Variants in HYAL1 observed in about 807,000 individuals in gnomAD.
The protein encoded by HYAL1 is hyaluronidase 1, also known as hyaluronidase-1.
In HYAL1, 21 loss-of-function variants were observed where a neutral mutation model predicts 28.8. The ratio of observed to expected loss-of-function variants is 0.73; its 90% confidence interval spans 0.52 to 1.05. HYAL1 has a LOEUF of 1.05. Ranked by LOEUF, HYAL1 falls within the 50% of genes least tolerant of loss-of-function variation. HYAL1 has a pLI of 0.00. For missense variants in HYAL1, 491 were observed against 579.2 expected, an observed-to-expected ratio of 0.85 and a Z score of 1.56; for synonymous variants, 200 against 230.1, an observed-to-expected ratio of 0.87 and a Z score of 1.18.
At chr3:50,308,603 G>A (rs1165207384) in intron 2 of HYAL1, among the ~76,000 whole-genome samples, 12 of 149,180 alleles carry the variant, frequency 8.0e-5, no homozygotes, top group African/African-American at 2.3e-4. Flanking sequence ...GCCCACCACC[G>A]CGCCCGGCTA....
chr3:50,305,356 GC>G (rs587772422), upstream of HYAL1, among the ~76,000 whole-genome samples: 20 of 152,160 alleles, frequency 1.3e-4, no homozygotes, highest in East Asian at 3.9e-3. Flanking sequence ...CCATTCTCCT[GC>G]CTCAGCCTCC....
chr3:50,303,339 C>A (rs78138354), intron 1 of HYAL1, 127 bp downstream of exon 1: 4,553 of 179,644 alleles, frequency 0.025, 196 homozygotes, highest in African/African-American at 0.1. Context: ...GGGGGGGAGG[C>A]CTTCCTGTCT....
intron 1 of HYAL1, chr3:50,312,193 G>T (rs1415454636): frequency 8.8e-4 from 147 of 166,154 alleles, no homozygotes; most frequent in Non-Finnish European, 1.5e-3. Context: ...CCTCCTGGAC[G>T]GGGTGGCTGC....
At chr3:50,303,122 G>T in intron 1 of HYAL1, 142 bp from the exon 2 acceptor site, 2 of 673,280 alleles carry the variant, frequency 3.0e-6, no homozygotes, top group Non-Finnish European at 2.4e-6. Context: ...GCTCCAGGAG[G>T]GCAGGGGAGA....
Position 50,302,241 on chromosome 3 carries a change from C to T in HYAL1, c.716G>A (p.Ser239Asn). 6.2e-7 allele frequency: 1 copy of T among 1,614,064 alleles called. No individual in the cohort carries two copies. The highest frequency in any genetic ancestry group is 1.1e-5 in the South Asian group (1 of 91,088). The change falls in exon 2 of 4, where the codon AGC becomes AAC. Residue 239 changes from serine to asparagine, a missense_variant. By Grantham distance (46) the Ser-to-Asn change is conservative. Coordinates refer to ENST00000395144, the MANE Select transcript of HYAL1 (RefSeq NM_033159.4). This position sits in a 1 kb window ranked among gnomAD's most constrained non-coding sequence, Gnocchi z 5.0. ...GTAGATGCTGGGATAGAGGGCACGG[C>T]TCTGGCCCCACAGCCACCCTAGCTG... ...NDQLGWLWGQSRALYPSIYMP... is the reference protein window; with the variant it reads ...NDQLGWLWGQNRALYPSIYMP...
intron 1 of HYAL1, among the ~76,000 whole-genome samples, chr3:50,311,939 G>A (rs1170494628): frequency 6.7e-6 from 1 of 148,538 alleles, no homozygotes; most frequent in African/African-American, 2.5e-5. Context: ...GCCGGCCAGA[G>A]GGGCTCCTCA....
intron 1 of HYAL1, 58 bp from the exon 2 acceptor site, chr3:50,303,038 T>C: frequency 7.4e-7 from 1 of 1,345,472 alleles, no homozygotes; most frequent in Non-Finnish European, 1.0e-6. Context: ...CCCCCACTGC[T>C]CAGGGCTGGG....
At chr3:50,308,560 G>A (rs587647560), upstream of HYAL1, among the ~76,000 whole-genome samples, 35 of 147,262 alleles carry the variant, frequency 2.4e-4, 1 homozygote, top group African/African-American at 8.8e-4. Flanking sequence ...CCATTCTCCT[G>A]CCTCAGCCTC....
At chr3:50,304,293 AAAAATATATATATATATATATATAT>A (rs1402514277), upstream of HYAL1, among the ~76,000 whole-genome samples, 2 of 57,072 alleles carry the variant, frequency 3.5e-5, no homozygotes, top group African/African-American at 1.5e-4. Context: ...AAAAAAAAAA[AAAAATATATATATATATATATATAT>A]ATATATATAT....
At position 50,302,437 on chromosome 3, in the gene HYAL1, G is replaced by C; in HGVS notation, c.520C>G (p.Gln174Glu). ...CAGGCCCGTGCAGCTCCCTGGAACT[G>C]GTCCTGGGCTACTGCCTCCACCTGA... ...APQVEAVAQDQFQGAARAWMA... is the reference protein window; with the variant it reads ...APQVEAVAQDEFQGAARAWMA... The change falls in exon 2 of 4, where the codon CAG becomes GAG. Residue 174 changes from glutamine to glutamate, a missense_variant. By Grantham distance (29) the Gln-to-Glu change is conservative. Transcript: ENST00000395144. The surrounding 1 kb of genome is among the most constrained non-coding windows in gnomAD (Gnocchi z 5.0). 1 of 1,613,966 alleles carries C rather than the reference G, an allele frequency of 6.2e-7. No individual in the cohort carries two copies. Among genetic ancestry groups the C allele is most frequent in the Non-Finnish European group, 8.5e-7 (1 of 1,179,934 alleles).
chr3:50,304,418 T>C (rs1476647142), upstream of HYAL1, among the ~76,000 whole-genome samples: 1 of 140,016 alleles, frequency 7.1e-6, no homozygotes, highest in Non-Finnish European at 1.5e-5. Flanking sequence ...CTAGGCAATG[T>C]AGCAAGACCC....
At chr3:50,310,940 C>A (rs1702433792) in intron 1 of HYAL1, among the ~76,000 whole-genome samples, 1 of 151,940 alleles carries the variant, frequency 6.6e-6, no homozygotes. Context: ...TCAACAGGAT[C>A]CCAAGGCAGA....
At chr3:50,312,160 C>CG (rs1410903965) in intron 1 of HYAL1, 2 of 156,912 alleles carry the variant, frequency 1.3e-5, no homozygotes, top group African/African-American at 4.9e-5. Flanking sequence ...GCTGGCCAGG[C>CG]GGGGGGTTGA....
At chr3:50,304,296 A>AAAAT (rs1553713686), upstream of HYAL1, among the ~76,000 whole-genome samples, 2 of 30,480 alleles carry the variant, frequency 6.6e-5, no homozygotes. Context: ...AAAAAAAAAA[A>AAAAT]ATATATATAT....
At position 50,301,051 on chromosome 3, in the gene HYAL1, C is replaced by CT; in HGVS notation, c.926dup (p.Ser310GlufsTer74). ...CTCCAGCTGCCCCCTGGGCCGCACTCTCCCCCAGGCTGTGCTCCAGCTCAT... is the reference window on the plus strand; with the variant it reads ...CTCCAGCTGCCCCCTGGGCCGCACTCTTCCCCCAGGCTGTGCTCCAGCTCAT... On this transcript the variant is annotated frameshift_variant, in exon 3 of 4. Transcript: ENST00000395144. LOFTEE classifies it high-confidence loss of function. 6.2e-7 allele frequency: 1 copy of CT among 1,613,152 alleles called. No individual in the cohort carries two copies.
Position 50,302,861 on chromosome 3 carries a change from G to GAAGGGCCGGTTGGGTAGCAAGGGGCCCCT in HYAL1, c.67_95dup (p.Phe32LeufsTer38). 2 of 1,613,726 alleles carry GAAGGGCCGGTTGGGTAGCAAGGGGCCCCT rather than the reference G, an allele frequency of 1.2e-6. No individual in the cohort carries two copies. The highest frequency in any genetic ancestry group is 1.7e-6 in the Non-Finnish European group (2 of 1,179,750). ...GGGTGTTTGCATTCCAGACGGTGGT[G>GAAGGGCCGGTTGGGTAGCAAGGGGCCCCT]AAGGGCCGGTTGGGTAGCAAGGGGC... On this transcript the variant is annotated frameshift_variant, in exon 2 of 4. Coordinates refer to ENST00000395144, the MANE Select transcript of HYAL1 (RefSeq NM_033159.4). LOFTEE classifies it high-confidence loss of function. The surrounding 1 kb of genome is among the most constrained non-coding windows in gnomAD (Gnocchi z 5.0).
intron 1 of HYAL1, among the ~76,000 whole-genome samples, chr3:50,310,889 A>G (rs1400387889): frequency 2.0e-5 from 3 of 151,628 alleles, no homozygotes; most frequent in African/African-American, 4.9e-5. Context: ...TGGACACAGC[A>G]CATGTTTCAG....
chr3:50,306,101 G>A (rs1260316488), upstream of HYAL1, among the ~76,000 whole-genome samples: 7 of 151,264 alleles, frequency 4.6e-5, no homozygotes, highest in Non-Finnish European at 1.0e-4. Flanking sequence ...GTACCAGCAG[G>A]AGCTAACTTT....
At chr3:50,305,334 C>G (rs1017139246), upstream of HYAL1, among the ~76,000 whole-genome samples, 4 of 152,246 alleles carry the variant, frequency 2.6e-5, no homozygotes, top group South Asian at 6.2e-4. Flanking sequence ...AGCTCTGCCC[C>G]CCGGGTTCAT....
Sources: allele counts gnomAD v4.1 joint callset (sites outside exome capture counted in the v4.1 genomes callset), GRCh38; gene constraint gnomAD v4.1.1; non-coding constraint Gnocchi (gnomAD v3.1); transcripts MANE v1.5; gene names NCBI Gene and HGNC (gene_info 2026-07-23, HGNC 2026-07-21).